Variants in SOBP observed in about 807,000 individuals in gnomAD.
The protein encoded by SOBP is sine oculis binding protein homolog, also known as sine oculis-binding protein homolog.
A neutral mutation model predicts 53.6 loss-of-function variants in SOBP; 4 were observed. The observed-to-expected ratio is 0.07, with a 90% CI of 0.04 to 0.17. SOBP has a LOEUF of 0.17. Among genes scored for constraint, SOBP ranks in the 10% least tolerant of loss-of-function variants. The pLI is 1.00. For synonymous variants in SOBP, 584 were observed against 522.6 expected, an observed-to-expected ratio of 1.12 and a Z score of -1.60; for missense variants, 1,088 against 1,204.7, an observed-to-expected ratio of 0.90 and a Z score of 1.43.
chr6:107,516,877 C>G (rs941411429), intron 3 of SOBP, among the ~76,000 whole-genome samples: 1 of 151,962 alleles, frequency 6.6e-6, no homozygotes, highest in Non-Finnish European at 1.5e-5. Flanking sequence ...AGACCTAAAT[C>G]AATAGAGGGA....
At chr6:107,570,403 T>A (rs1184371620) in intron 4 of SOBP, among the ~76,000 whole-genome samples, 1 of 152,260 alleles carries the variant, frequency 6.6e-6, no homozygotes, top group East Asian at 1.9e-4. Context: ...TTTACCTTGA[T>A]ATTCACTGCC....
intron 5 of SOBP, among the ~76,000 whole-genome samples, chr6:107,602,177 G>A (rs1786205081): frequency 6.6e-6 from 1 of 152,252 alleles, no homozygotes; most frequent in Non-Finnish European, 1.5e-5. Context: ...TATAGAGAAA[G>A]GGTAAAAGAA....
rs569516410 is a variant in SOBP at position 107,538,432 on chromosome 6, G to GA, written c.573+4824dup. ...TGCAATTAATGTCCCCTGACCACCT[G>GA]AAGCTCAGGCCACATACTTGCTTTT... is the stretch of plus-strand genomic sequence containing the variant. On this transcript the variant is annotated intron_variant, in intron 4 of 6. Transcript: ENST00000317357. Among the ~76,000 whole-genome samples, 406 of 152,346 alleles carry GA rather than the reference G, an allele frequency of 2.7e-3. 2 individuals are homozygous for GA. Among genetic ancestry groups the GA allele is most frequent in the African/African-American group, 9.2e-3 (382 of 41,568 alleles).
At chr6:107,511,783 G>C (rs1783176641) in intron 3 of SOBP, 1 of 152,106 alleles carries the variant, frequency 6.6e-6, no homozygotes, top group African/African-American at 2.4e-5. Flanking sequence ...CCACAGCATT[G>C]ACCCTGCTCT....
At chr6:107,493,815 G>T (rs535955853) in intron 1 of SOBP, among the ~76,000 whole-genome samples, 26 of 152,350 alleles carry the variant, frequency 1.7e-4, no homozygotes, top group Non-Finnish European at 3.7e-4. Context: ...AGGTTTAGCT[G>T]ACACCAGTAA....
intron 3 of SOBP, 65 bp from the exon 4 acceptor site, chr6:107,533,394 G>T (rs1783898965): frequency 1.9e-6 from 3 of 1,581,484 alleles, no homozygotes; most frequent in Non-Finnish European, 2.6e-6. Flanking sequence ...CAGGTTCAGG[G>T]TGTGTCTAAA....
chr6:107,504,041 C>T (rs985112585), intron 2 of SOBP, among the ~76,000 whole-genome samples: 8 of 152,220 alleles, frequency 5.3e-5, no homozygotes, highest in Non-Finnish European at 1.0e-4. Context: ...CAAGGACTAG[C>T]GACCTAAGTG....
At chr6:107,504,694 C>T (rs185070971) in intron 2 of SOBP, among the ~76,000 whole-genome samples, 463 of 152,352 alleles carry the variant, frequency 3.0e-3, no homozygotes, top group Non-Finnish European at 4.9e-3. Flanking sequence ...TATTTCCAGT[C>T]TTTAAGATAG....
chr6:107,642,610 G>C (rs111418783), intron 6 of SOBP, among the ~76,000 whole-genome samples: 50 of 152,314 alleles, frequency 3.3e-4, no homozygotes, highest in African/African-American at 1.2e-3. Flanking sequence ...GGTAGCCAAG[G>C]GGTCAGGGCT....
chr6:107,541,263 A>T (rs892025445), intron 4 of SOBP, among the ~76,000 whole-genome samples: 2 of 152,180 alleles, frequency 1.3e-5, no homozygotes, highest in South Asian at 2.1e-4. Flanking sequence ...GTACTTCCAA[A>T]TGTGCTTTGG....
intron 3 of SOBP, among the ~76,000 whole-genome samples, chr6:107,518,750 G>GTT (rs11390425): frequency 0.014 from 1,616 of 111,628 alleles, 26 homozygotes; most frequent in East Asian, 0.049. Context: ...AGGAAAGGCT[G>GTT]TTTTTTTTTT....
At chr6:107,596,364 A>G (rs540039965) in intron 5 of SOBP, among the ~76,000 whole-genome samples, 1 of 152,298 alleles carries the variant, frequency 6.6e-6, no homozygotes, top group East Asian at 1.9e-4. Flanking sequence ...ACGCTTAAGA[A>G]TTATTTGATG....
chr6:107,563,913 A>T (rs911949035), intron 4 of SOBP, among the ~76,000 whole-genome samples: 8 of 152,192 alleles, frequency 5.3e-5, no homozygotes, highest in Non-Finnish European at 1.0e-4. Flanking sequence ...GCAGCCCTTG[A>T]TAGCATCCGG....
At chr6:107,608,312 G>T (rs1786466171) in intron 5 of SOBP, among the ~76,000 whole-genome samples, 1 of 152,096 alleles carries the variant, frequency 6.6e-6, no homozygotes, top group African/African-American at 2.4e-5. Flanking sequence ...ATGGACTGGG[G>T]CATGATGAAT....
intron 5 of SOBP, among the ~76,000 whole-genome samples, chr6:107,593,379 C>A (rs1785829384): frequency 6.6e-6 from 1 of 152,152 alleles, no homozygotes; most frequent in Non-Finnish European, 1.5e-5. Context: ...GATTTCAGAG[C>A]CATTGCCTAC....
At chr6:107,521,553 A>G (rs1783486123) in intron 3 of SOBP, among the ~76,000 whole-genome samples, 1 of 152,180 alleles carries the variant, frequency 6.6e-6, no homozygotes, top group Admixed American at 6.5e-5. Flanking sequence ...CAGGACCTAC[A>G]CTTAACCACC....
chr6:107,593,044 G>A (rs1310188357), intron 5 of SOBP, among the ~76,000 whole-genome samples: 2 of 152,136 alleles, frequency 1.3e-5, no homozygotes, highest in African/African-American at 4.8e-5. Context: ...ATCTGTGCTG[G>A]TGTTTCATCT....
At chr6:107,620,977 A>T (rs1206713400) in intron 5 of SOBP, 1 of 156,464 alleles carries the variant, frequency 6.4e-6, no homozygotes, top group Non-Finnish European at 1.4e-5. Context: ...AGTCATACAG[A>T]GGTTAGGAAA....
chr6:107,632,732 GTCTT>G (rs1245322424), intron 5 of SOBP, among the ~76,000 whole-genome samples: 1 of 152,128 alleles, frequency 6.6e-6, no homozygotes, highest in Non-Finnish European at 1.5e-5. Flanking sequence ...ATTTGGTGAT[GTCTT>G]TCTTTTGCCA....
Sources: gnomAD v4.1 joint callset for allele counts (sites outside exome capture counted in the v4.1 genomes callset) on GRCh38, gnomAD v4.1.1 for gene constraint, MANE v1.5 for transcripts, NCBI Gene and HGNC (gene_info 2026-07-23, HGNC 2026-07-21) for gene names.